Variants in RBPJ observed in about 807,000 individuals in gnomAD.
RBPJ encodes recombining binding protein suppressor of hairless.
RBPJ carries 9 observed loss-of-function variants against 67.8 expected under a neutral mutation model. That is an observed-to-expected ratio of 0.13 (90% confidence interval 0.08 to 0.23). The LOEUF is 0.23. Among genes scored for constraint, RBPJ ranks in the 10% least tolerant of loss-of-function variants. The probability of loss-of-function intolerance (pLI) is 1.00; values close to 1 mark genes in which losing one functional copy is unlikely to be tolerated. For synonymous variants in RBPJ, 198 were observed against 203.3 expected (o/e 0.97, Z 0.22); for missense variants, 305 against 595.6 (o/e 0.51, Z 5.08).
At chr4:26,327,940 G>T (rs1723812760) in intron 1 of RBPJ, among the ~76,000 whole-genome samples, 1 of 152,064 alleles carries the variant, frequency 6.6e-6, no homozygotes. Flanking sequence ...ATGTAATATT[G>T]TAGTTTTTTT....
At chr4:26,260,683 T>C (rs1028658010) in intron 1 of RBPJ, among the ~76,000 whole-genome samples, 1 of 152,226 alleles carries the variant, frequency 6.6e-6, no homozygotes, top group Admixed American at 6.5e-5. Flanking sequence ...TTTTGTATGT[T>C]TGAAGTACTT....
intron 1 of RBPJ, among the ~76,000 whole-genome samples, chr4:26,202,928 A>G (rs1272863667): frequency 7.0e-6 from 1 of 143,222 alleles, no homozygotes; most frequent in African/African-American, 2.5e-5. Flanking sequence ...AAAAAGAAAA[A>G]GAGAGAAAGA....
intron 1 of RBPJ, among the ~76,000 whole-genome samples, chr4:26,335,528 C>T (rs1345888491): frequency 1.3e-5 from 2 of 151,632 alleles, no homozygotes; most frequent in African/African-American, 2.4e-5. Context: ...TCTTTTTGCT[C>T]GCTGCCATTG....
At chr4:26,344,029 G>A (rs1725855424) in intron 1 of RBPJ, among the ~76,000 whole-genome samples, 1 of 151,808 alleles carries the variant, frequency 6.6e-6, no homozygotes, top group Non-Finnish European at 1.5e-5. Context: ...GGGATTACAG[G>A]CCTGAGCCAC....
At chr4:26,301,672 A>G (rs998410738) in intron 1 of RBPJ, among the ~76,000 whole-genome samples, 13 of 152,182 alleles carry the variant, frequency 8.5e-5, no homozygotes, top group African/African-American at 2.7e-4. Context: ...TTTTAAAATA[A>G]TAGAAAATTT....
At chr4:26,166,814 T>C in intron 1 of RBPJ, among the ~76,000 whole-genome samples, 1 of 152,230 alleles carries the variant, frequency 6.6e-6, no homozygotes, top group Non-Finnish European at 1.5e-5. Flanking sequence ...TGAATGGTAA[T>C]GCCTAGGTTT....
chr4:26,255,220 C>T lies in RBPJ; in HGVS notation c.-167+91606C>T, dbSNP rs548236761. Among the ~76,000 whole-genome samples, 98 of 139,130 alleles carry T rather than the reference C, an allele frequency of 7.0e-4. No homozygotes were observed. In the South Asian group the frequency reaches 7.4e-3, roughly 10 times the overall value. 91.3% of individuals were successfully genotyped at this position (139,130 alleles called of 152,430 possible). ...GAGATCGGGACCATCCTGGCTAACA[C>T]GGTGAGACCCCGTCTCTACTAAAAA... On this transcript the variant is annotated intron_variant, in intron 1 of 4. Transcript: ENST00000512351.
At chr4:26,330,323 G>T (rs553710464) in intron 1 of RBPJ, among the ~76,000 whole-genome samples, 10 of 152,308 alleles carry the variant, frequency 6.6e-5, no homozygotes, top group African/African-American at 2.4e-4. Flanking sequence ...CCATCTGCCA[G>T]AATGTTATTT....
intron 1 of RBPJ, among the ~76,000 whole-genome samples, chr4:26,185,273 C>T (rs541987006): frequency 6.6e-6 from 1 of 151,576 alleles, no homozygotes; most frequent in South Asian, 2.1e-4. Context: ...CGGTATTTCT[C>T]ACCCTCTAAG....
chr4:26,303,626 T>A (rs906590844), intron 1 of RBPJ, among the ~76,000 whole-genome samples: 7 of 151,948 alleles, frequency 4.6e-5, no homozygotes, highest in African/African-American at 1.7e-4. Context: ...TAATATGAAG[T>A]TTATAATCAT....
chr4:26,173,573 C>A (rs1396748815), intron 1 of RBPJ, among the ~76,000 whole-genome samples: 1 of 152,178 alleles, frequency 6.6e-6, no homozygotes, highest in East Asian at 1.9e-4. Context: ...ACCTTACACC[C>A]AGGAGATGGG....
chr4:26,355,813 T>C (rs1183241056), intron 1 of RBPJ, among the ~76,000 whole-genome samples: 1 of 152,174 alleles, frequency 6.6e-6, no homozygotes, highest in Non-Finnish European at 1.5e-5. Context: ...AAGAACACCA[T>C]AGCTCATGTA....
the RBPJ span, among the ~76,000 whole-genome samples, chr4:26,109,654 C>G: frequency 9.6e-3 from 359 of 37,376 alleles, 109 homozygotes; most frequent in African/African-American, 0.06. Context: ...CTCTCTCTCT[C>G]TCTCTCTCTC....
intron 1 of RBPJ, among the ~76,000 whole-genome samples, chr4:26,249,996 G>T (rs1720052761): frequency 6.6e-6 from 1 of 151,692 alleles, no homozygotes; most frequent in Non-Finnish European, 1.5e-5. Flanking sequence ...ATGTTGGTCA[G>T]CCTGGTCTCG....
intron 3 of RBPJ, among the ~76,000 whole-genome samples, chr4:26,415,159 C>T (rs188543126): frequency 6.6e-6 from 1 of 152,086 alleles, no homozygotes; most frequent in Non-Finnish European, 1.5e-5. Context: ...TTAGAGTACA[C>T]TGGATTTGCT....
intron 2 of RBPJ, among the ~76,000 whole-genome samples, chr4:26,390,196 A>G (rs926510430): frequency 6.6e-6 from 1 of 152,230 alleles, no homozygotes; most frequent in African/African-American, 2.4e-5. Context: ...ATTTAGAAAA[A>G]GCTTTTGACA....
At position 26,301,814 on chromosome 4, in the gene RBPJ, A is replaced by T. The variant is rs1481681577; in HGVS notation, c.-166-60632A>T. On this transcript the variant is annotated intron_variant, in intron 1 of 4. Transcript: ENST00000512351. Reference sequence around the variant, plus strand: ...ATTTATATTTATTTATTTATTTGAGACCATGTCTCACTCTGTTGCCCAGGC... The same window carrying T: ...ATTTATATTTATTTATTTATTTGAGTCCATGTCTCACTCTGTTGCCCAGGC... Among the ~76,000 whole-genome samples the T allele has an allele frequency of 2.6e-5, 4 of 151,778 alleles. No homozygotes were observed. The East Asian group carries it at 7.8e-4, about 30-fold the overall frequency.
intron 1 of RBPJ, among the ~76,000 whole-genome samples, chr4:26,364,917 TG>T (rs1336499282): frequency 6.6e-6 from 1 of 151,970 alleles, no homozygotes; most frequent in Non-Finnish European, 1.5e-5. Flanking sequence ...GTGCCCGGCC[TG>T]GAAGTCTTTA....
At chr4:26,229,720 C>G (rs1033281440) in intron 1 of RBPJ, among the ~76,000 whole-genome samples, 2 of 151,960 alleles carry the variant, frequency 1.3e-5, no homozygotes, top group Non-Finnish European at 2.9e-5. Context: ...AATAATAGTT[C>G]CAATGTTTAT....
Sources: allele counts gnomAD v4.1 joint callset (sites outside exome capture counted in the v4.1 genomes callset), GRCh38; gene constraint gnomAD v4.1.1; transcripts MANE v1.5; gene names NCBI Gene and HGNC (gene_info 2026-07-23, HGNC 2026-07-21).